Variants in NELL1 observed in about 807,000 individuals in gnomAD.
NELL1 encodes neural EGFL like 1, also known as protein kinase C-binding protein NELL1.
NELL1 carries 76 observed loss-of-function variants against 107.4 expected under a neutral mutation model. The ratio of observed to expected loss-of-function variants is 0.71; its 90% confidence interval spans 0.59 to 0.86. The LOEUF is 0.86. Ranked by LOEUF, NELL1 falls within the 40% of genes least tolerant of loss-of-function variation. NELL1 has a pLI of 0.00. For synonymous variants in NELL1, 353 were observed against 341.2 expected (o/e 1.03, Z -0.38); for missense variants, 1,024 against 1,005.5 (o/e 1.02, Z -0.25).
chr11:20,798,207 A>T (rs1442384142), intron 3 of NELL1, among the ~76,000 whole-genome samples: 3 of 152,220 alleles, frequency 2.0e-5, no homozygotes, highest in Non-Finnish European at 2.9e-5. Flanking sequence ...GAAAATGAGG[A>T]TGTTTTCTGC....
At chr11:21,219,424 C>T (rs1427914499) in intron 13 of NELL1, among the ~76,000 whole-genome samples, 6 of 152,238 alleles carry the variant, frequency 3.9e-5, no homozygotes, top group Admixed American at 2.0e-4. Context: ...TGCCCCATTT[C>T]GTAGGTTGTC....
At chr11:21,002,068 C>T (rs1852233659) in intron 12 of NELL1, among the ~76,000 whole-genome samples, 1 of 152,202 alleles carries the variant, frequency 6.6e-6, no homozygotes, top group Non-Finnish European at 1.5e-5. Flanking sequence ...CACATGAAGT[C>T]TGTTGGCTAA....
rs561963348 is a variant in NELL1, at chr11:20,902,291, A to T, written c.604-15891A>T. 3.4e-4 allele frequency among the ~76,000 whole-genome samples: 52 copies of T among 152,128 alleles called. No homozygotes were observed. The South Asian group carries it at 0.01, about 30-fold the overall frequency. On this transcript the variant is annotated intron_variant, in intron 5 of 19. Coordinates refer to ENST00000357134, the MANE Select transcript of NELL1 (RefSeq NM_006157.5). Reference sequence around the variant, plus strand: ...ATAAGAAACCTTTTTTTTTTAACTCAATAGGAAGTCAGACAAAAGATATAG... The same window carrying T: ...ATAAGAAACCTTTTTTTTTTAACTCTATAGGAAGTCAGACAAAAGATATAG...
At chr11:21,218,703 A>C (rs747990863) in intron 13 of NELL1, among the ~76,000 whole-genome samples, 8 of 152,120 alleles carry the variant, frequency 5.3e-5, no homozygotes, top group Non-Finnish European at 1.2e-4. Context: ...TGTGAACTCA[A>C]ATTTTTAAAG....
intron 15 of NELL1, among the ~76,000 whole-genome samples, chr11:21,386,517 A>G (rs1158201155): frequency 2.0e-5 from 3 of 151,932 alleles, no homozygotes; most frequent in Non-Finnish European, 4.4e-5. Flanking sequence ...ATGGCCAGAT[A>G]TAGTATTTTC....
intron 2 of NELL1, among the ~76,000 whole-genome samples, chr11:20,735,059 G>T (rs1350256220): frequency 6.6e-6 from 1 of 152,108 alleles, no homozygotes; most frequent in Non-Finnish European, 1.5e-5. Flanking sequence ...CTAGCAATTA[G>T]TATTAGGAAG....
chr11:21,330,801 T>C lies in NELL1; in HGVS notation c.1550-40052T>C, dbSNP rs1012210492. Among the ~76,000 whole-genome samples the C allele has an allele frequency of 1.5e-4, 23 of 152,214 alleles. No homozygotes were observed. In the South Asian group the frequency reaches 4.6e-3, roughly 30 times the overall value. ...AGTATTAACCATTATTTATTAAAAA[T>C]ATTTTTGTTCCTTTCTGTTTTTTCT... On this transcript the variant is annotated intron_variant, in intron 14 of 19. Transcript: ENST00000357134.
intron 15 of NELL1, among the ~76,000 whole-genome samples, chr11:21,516,899 G>A (rs114195413): frequency 0.11 from 17,391 of 151,616 alleles, 1,125 homozygotes; most frequent in African/African-American, 0.16. Context: ...CCGTCTCCCA[G>A]GGTCAAGCAA....
chr11:21,366,435 C>T (rs1385169487), intron 14 of NELL1, among the ~76,000 whole-genome samples: 2 of 152,020 alleles, frequency 1.3e-5, no homozygotes, highest in Non-Finnish European at 2.9e-5. Flanking sequence ...GTTCCTGACA[C>T]CTTGTAATCA....
chr11:21,562,416 CTTTTG>C lies in NELL1; in HGVS notation c.1980+2038_1980+2042del, dbSNP rs1856870293. Among the ~76,000 whole-genome samples the C allele has an allele frequency of 3.3e-5, 5 of 151,562 alleles. No individual in the cohort carries two copies. In the South Asian group the frequency reaches 1.0e-3, roughly 31 times the overall value. ...TACAGGCAGATTTCTGTACATAAAT[CTTTTG>C]TTTGTTTGTGTTCTACATGTACTCA... On this transcript the variant is annotated intron_variant, in intron 17 of 19. Coordinates refer to ENST00000357134, the MANE Select transcript of NELL1 (RefSeq NM_006157.5).
At chr11:21,019,519 C>A (rs1186014396) in intron 12 of NELL1, among the ~76,000 whole-genome samples, 1 of 151,998 alleles carries the variant, frequency 6.6e-6, no homozygotes, top group Non-Finnish European at 1.5e-5. Flanking sequence ...TGGTTCTCAA[C>A]TGGGGGCAAT....
chr11:21,272,744 C>A (rs962492155), intron 14 of NELL1, among the ~76,000 whole-genome samples: 5 of 152,190 alleles, frequency 3.3e-5, no homozygotes, highest in African/African-American at 9.6e-5. Flanking sequence ...CTGCTGTTCA[C>A]CAATATCTGC....
chr11:20,783,883 C>T (rs531612753), intron 3 of NELL1, 53 bp downstream of exon 3: 3 of 1,508,644 alleles, frequency 2.0e-6, no homozygotes, highest in South Asian at 2.7e-5. Context: ...ATGGGTTATA[C>T]AAAATGTCTT....
At chr11:20,907,109 A>C (rs1850016440) in intron 5 of NELL1, among the ~76,000 whole-genome samples, 1 of 151,982 alleles carries the variant, frequency 6.6e-6, no homozygotes, top group South Asian at 2.1e-4. Flanking sequence ...ACCACATATA[A>C]AAATGATCTC....
chr11:21,080,036 T>C (rs1258694053), intron 12 of NELL1, among the ~76,000 whole-genome samples: 4 of 152,056 alleles, frequency 2.6e-5, no homozygotes. Flanking sequence ...AACAAGGTAA[T>C]AATTACAATC....
intron 15 of NELL1, among the ~76,000 whole-genome samples, chr11:21,532,190 C>A (rs1450147633): frequency 6.6e-6 from 1 of 152,112 alleles, no homozygotes; most frequent in Non-Finnish European, 1.5e-5. Context: ...ATTTCCCATG[C>A]AAGCCAGGGA....
intron 14 of NELL1, among the ~76,000 whole-genome samples, chr11:21,301,849 G>T (rs1380153463): frequency 6.6e-6 from 1 of 152,026 alleles, no homozygotes; most frequent in Non-Finnish European, 1.5e-5. Context: ...CTAAGGATTT[G>T]GGGGATATTT....
intron 8 of NELL1, among the ~76,000 whole-genome samples, 156 bp downstream of exon 8, chr11:20,927,598 A>G (rs1850528610): frequency 6.6e-6 from 1 of 152,226 alleles, no homozygotes; most frequent in Non-Finnish European, 1.5e-5. Flanking sequence ...TTGTGAAGCA[A>G]TGCTGGAAGA....
chr11:21,040,942 G>A (rs1853214088), intron 12 of NELL1, among the ~76,000 whole-genome samples: 1 of 152,182 alleles, frequency 6.6e-6, no homozygotes, highest in Non-Finnish European at 1.5e-5. Context: ...AGTAATCAGT[G>A]TCCTTGCTTT....
Sources: allele counts gnomAD v4.1 joint callset (sites outside exome capture counted in the v4.1 genomes callset), GRCh38; gene constraint gnomAD v4.1.1; transcripts MANE v1.5; gene names NCBI Gene and HGNC (gene_info 2026-07-23, HGNC 2026-07-21).